The following AXIN2 variants were observed in gnomAD, a reference collection of about 807,000 sequenced individuals.
AXIN2 encodes the protein axin-2.
In AXIN2, 21 loss-of-function variants were observed where a neutral mutation model predicts 74.7. The ratio of observed to expected loss-of-function variants is 0.28; its 90% CI spans 0.20 to 0.40. The LOEUF is 0.40. Ranked by LOEUF, AXIN2 falls within the 10% of genes least tolerant of loss-of-function variation. AXIN2 has a pLI of 1.00. For missense variants in AXIN2, 1,144 were observed against 1,111.1 expected (o/e 1.03, Z -0.42); for synonymous variants, 532 against 454.9 (o/e 1.17, Z -2.16).
intron 10 of AXIN2, among the ~76,000 whole-genome samples, chr17:65,531,270 C>T (rs79411572): frequency 1.3e-5 from 2 of 151,976 alleles, no homozygotes; most frequent in Admixed American, 6.6e-5. Flanking sequence ...CAAATACTTT[C>T]GTAGGAGATA....
chr17:65,537,130 G>C (rs2144453259), intron 6 of AXIN2, 67 bp from the exon 7 acceptor site: 1 of 1,571,636 alleles, frequency 6.4e-7, no homozygotes, highest in Admixed American at 1.8e-5. Context: ...CCTAGAATCA[G>C]ACAATTCAGC....
intron 2 of AXIN2, among the ~76,000 whole-genome samples, chr17:65,555,591 A>T (rs908024571): frequency 2.6e-5 from 4 of 152,166 alleles, no homozygotes; most frequent in African/African-American, 9.7e-5. Flanking sequence ...GTTTCTCTCT[A>T]CAAAAGGCTT....
chr17:65,544,121 T>C (rs1209249453), intron 3 of AXIN2, among the ~76,000 whole-genome samples: 1 of 151,982 alleles, frequency 6.6e-6, no homozygotes, highest in Non-Finnish European at 1.5e-5. Flanking sequence ...ACAAGTGACA[T>C]AAGGCTTCAA....
intron 1 of AXIN2, chr17:65,560,480 G>A (rs1055256925): frequency 6.6e-6 from 1 of 152,126 alleles, no homozygotes; most frequent in African/African-American, 2.4e-5. Context: ...ACCTCCCAAA[G>A]GCACTCCCGC....
At chr17:65,538,072 ACG>A (rs1567756954) in intron 5 of AXIN2, 129 bp downstream of exon 5, 2 of 1,512,668 alleles carry the variant, frequency 1.3e-6, no homozygotes, top group Admixed American at 3.8e-5. Flanking sequence ...ACACACCCAC[ACG>A]CAGCCCACGC....
At chr17:65,540,273 T>TA (rs2044021394) in intron 4 of AXIN2, among the ~76,000 whole-genome samples, 1 of 152,178 alleles carries the variant, frequency 6.6e-6, no homozygotes, top group Non-Finnish European at 1.5e-5. Flanking sequence ...AGAGGTTCCT[T>TA]ATTCATTCAC....
chr17:65,528,797 GAC>G lies in AXIN2; in HGVS notation c.*1177_*1178del, dbSNP rs2144382989. ...AAAGCTTGAGCCCTCAATATAGGGC[GAC>G]ACACGGAGCGGGTGACCGTGCAGGT... On this transcript the variant is annotated 3_prime_UTR_variant, in exon 11 of 11. Coordinates refer to ENST00000307078, the MANE Select transcript of AXIN2 (RefSeq NM_004655.4). 4.1e-6 allele frequency: 2 copies of G among 484,910 alleles called. No individual in the cohort carries two copies. Among genetic ancestry groups the G allele is most frequent in the East Asian group, 4.0e-5 (1 of 25,158 alleles). 30.0% of individuals were successfully genotyped at this position (484,910 alleles called of 1,614,324 possible).
intron 10 of AXIN2, among the ~76,000 whole-genome samples, chr17:65,533,121 G>A (rs2043851864): frequency 6.6e-6 from 1 of 152,168 alleles, no homozygotes. Flanking sequence ...CTCAGCTCTT[G>A]AACCCTCTCA....
Position 65,537,337 on chromosome 17 carries a change from T to C in AXIN2, c.1699A>G (p.Ser567Gly), listed in dbSNP as rs2043944738. ...SHSKAPETMP[S>G]EQFGGSRGST... is the part of the protein sequence containing the mutation. The stretch of plus-strand genomic sequence containing the variant: ...CCCGGCACTTACCCAAACTGCTCGC[T>C]GGGCATGGTTTCCGGAGCCTTGGAG... The change falls in exon 6 of 11, where the codon AGC (serine) becomes GGC (glycine). Residue 567 changes from serine (S) to glycine (G), a missense_variant. Coordinates refer to ENST00000307078, the MANE Select transcript of AXIN2 (RefSeq NM_004655.4). The C allele has an allele frequency of 2.5e-6, 4 of 1,614,110 alleles. No individual in the cohort carries two copies. The highest frequency in any genetic ancestry group is 1.3e-5 in the African/African-American group (1 of 75,048).
rs886053288 is a variant in AXIN2, at chr17:65,561,614, G to T, written c.-281C>A. On this transcript the variant is annotated 5_prime_UTR_variant, in exon 1 of 11. Coordinates refer to ENST00000307078, the MANE Select transcript of AXIN2 (RefSeq NM_004655.4). ...GCCGACTCCCCCGGGCCAGGCTCGC[G>T]GAGCCAGTGATCCCGCCGCGCCAAT... 4 of 151,014 alleles carry T rather than the reference G, an allele frequency of 2.6e-5. No homozygotes were observed. The highest frequency in any genetic ancestry group is 9.8e-5 in the African/African-American group (4 of 40,982). The allele number at this position is 151,014 out of a possible 1,614,324, so 9.4% of individuals were successfully genotyped here. A position where few individuals can be genotyped will look rare whatever the true frequency, so the allele number is the denominator to read the frequency against.
intron 3 of AXIN2, among the ~76,000 whole-genome samples, chr17:65,548,775 C>T (rs571037701): frequency 1.3e-5 from 2 of 152,254 alleles, no homozygotes; most frequent in Admixed American, 6.5e-5. Context: ...CTTCAAATGA[C>T]CTAAAATTCA....
intron 2 of AXIN2, among the ~76,000 whole-genome samples, chr17:65,555,813 A>G (rs571190217): frequency 2.0e-5 from 3 of 152,294 alleles, no homozygotes; most frequent in African/African-American, 7.2e-5. Flanking sequence ...GCACGTTAAA[A>G]TGATGTGAGA....
chr17:65,531,176 G>C (rs914434773), intron 10 of AXIN2, among the ~76,000 whole-genome samples: 1 of 134,358 alleles, frequency 7.4e-6, no homozygotes, highest in Non-Finnish European at 1.6e-5. Flanking sequence ...GTTATGGTTG[G>C]GCTTTGTCTT....
chr17:65,545,972 C>G (rs961524550), intron 3 of AXIN2, among the ~76,000 whole-genome samples: 1 of 152,054 alleles, frequency 6.6e-6, no homozygotes, highest in Non-Finnish European at 1.5e-5. Flanking sequence ...GAGACGATTG[C>G]TTTCCTGGGT....
In AXIN2 at chr17:65,528,961, A is replaced by C. The variant is rs901392500; in HGVS notation, c.*1015T>G. Reference sequence around the variant, plus strand: ...CAGATTAACTTAACACAAAAACCCGAACATCAAAATGAAGGTGTGTGGAGG... The same window carrying C: ...CAGATTAACTTAACACAAAAACCCGCACATCAAAATGAAGGTGTGTGGAGG... On this transcript the variant is annotated 3_prime_UTR_variant, in exon 11 of 11. Transcript: ENST00000307078. The C allele has an allele frequency of 1.4e-5, 4 of 277,318 alleles. No homozygotes were observed. The highest frequency in any genetic ancestry group is 2.7e-5 in the Non-Finnish European group (4 of 147,824). 17.2% of individuals were successfully genotyped at this position (277,318 alleles called of 1,614,324 possible). A position where few individuals can be genotyped will look rare whatever the true frequency, so the allele number is the denominator to read the frequency against.
chr17:65,549,613 C>G lies in AXIN2; in HGVS notation c.863G>C (p.Gly288Ala), dbSNP rs754388559. 2.5e-6 allele frequency: 4 copies of G among 1,605,904 alleles called. No homozygotes were observed. In the East Asian group the frequency reaches 9.0e-5, roughly 36 times the overall value. ...GCTGGTGGCTGGTGCAAAGACATAGCCAGAACCTATGTGATAAGGATTAAC... is the reference window on the plus strand; with the variant it reads ...GCTGGTGGCTGGTGCAAAGACATAGGCAGAACCTATGTGATAAGGATTAAC... ...DPVNPYHIGS[G>A]YVFAPATSAN... The change falls in exon 3 of 11, where the codon GGC (glycine) becomes GCC (alanine). Residue 288 changes from glycine (G) to alanine (A), a missense_variant. Coordinates refer to ENST00000307078, the MANE Select transcript of AXIN2 (RefSeq NM_004655.4).
chr17:65,553,723 G>A (rs766135832), intron 2 of AXIN2, among the ~76,000 whole-genome samples: 12 of 152,060 alleles, frequency 7.9e-5, no homozygotes, highest in Non-Finnish European at 1.6e-4. Context: ...GCAGAGAAAG[G>A]AGGCAGGGTT....
At chr17:65,534,146 C>T (rs1371790372) in intron 9 of AXIN2, 67 bp from the exon 10 acceptor site, 1 of 1,565,446 alleles carries the variant, frequency 6.4e-7, no homozygotes, top group African/African-American at 1.4e-5. Context: ...AGCAAACACA[C>T]ACGTGCGCAC....
At chr17:65,537,920 G>A (rs1385590156) in intron 5 of AXIN2, 85 bp from the exon 6 acceptor site, 5 of 1,421,912 alleles carry the variant, frequency 3.5e-6, no homozygotes, top group Non-Finnish European at 3.7e-6. Flanking sequence ...GGCTCCCTAC[G>A]CAGGAGCACG....
Sources: allele counts gnomAD v4.1 joint callset (sites outside exome capture counted in the v4.1 genomes callset), GRCh38; gene constraint gnomAD v4.1.1; transcripts MANE v1.5; gene names NCBI Gene and HGNC (gene_info 2026-07-23, HGNC 2026-07-21).